The following TNFRSF1B variants were observed in gnomAD, a reference collection of about 807,000 sequenced individuals.
TNFRSF1B encodes the protein tumor necrosis factor receptor superfamily member 1B.
TNFRSF1B carries 19 observed loss-of-function variants against 44.6 expected under a neutral mutation model. The ratio of observed to expected loss-of-function variants is 0.43; its 90% CI spans 0.30 to 0.62. The LOEUF (loss-of-function observed/expected upper bound fraction) is 0.62. Among genes scored for constraint, TNFRSF1B ranks in the 20% least tolerant of loss-of-function variants. The probability of loss-of-function intolerance (pLI) is 0.16; values close to 1 mark genes in which losing one functional copy is unlikely to be tolerated. For missense variants in TNFRSF1B, 541 were observed against 619.9 expected, an observed-to-expected ratio of 0.87 and a Z score of 1.35; for synonymous variants, 252 against 261.1, an observed-to-expected ratio of 0.97 and a Z score of 0.34.
chr1:12,185,494 G>T (rs1469426055), intron 1 of TNFRSF1B, among the ~76,000 whole-genome samples: 1 of 152,116 alleles, frequency 6.6e-6, no homozygotes, highest in Non-Finnish European at 1.5e-5. Context: ...GGGTGCCTGG[G>T]AGTCTGCTCC....
At position 12,171,986 on chromosome 1, in the gene TNFRSF1B, G is replaced by T. The variant is rs1001003283; in HGVS notation, c.78+4817G>T. Among the ~76,000 whole-genome samples, 2 of 152,158 alleles carry T rather than the reference G, an allele frequency of 1.3e-5. No homozygotes were observed. The highest frequency in any genetic ancestry group is 2.9e-5 in the Non-Finnish European group (2 of 68,042). On this transcript the variant is annotated intron_variant, in intron 1 of 9. Coordinates refer to ENST00000376259, the MANE Select transcript of TNFRSF1B (RefSeq NM_001066.3). This position sits in a 1 kb window ranked among gnomAD's most constrained non-coding sequence, Gnocchi z 4.5. ...GTTCTGTTTGCCTCCATCTCTTGGG[G>T]TATTTTTCTGGGCTCCTCTTCCCAT... is the stretch of plus-strand genomic sequence containing the variant.
chr1:12,207,150 T>C lies in TNFRSF1B; in HGVS notation c.*130T>C. 1 of 1,018,310 alleles carries C rather than the reference T, an allele frequency of 9.8e-7. No individual in the cohort carries two copies. The allele number at this position is 1,018,310 out of a possible 1,614,324, so 63.1% of individuals were successfully genotyped here. On this transcript the variant is annotated 3_prime_UTR_variant, in exon 10 of 10. Coordinates refer to ENST00000376259, the MANE Select transcript of TNFRSF1B (RefSeq NM_001066.3). The stretch of plus-strand genomic sequence containing the variant: ...AGGCTCTTTCTGGGCCAAGTTCCTC[T>C]AGTGCCCTCCACAGCCGCAGCCTCC...
chr1:12,193,212 C>T (rs1639190641), intron 6 of TNFRSF1B, 114 bp downstream of exon 6: 3 of 963,086 alleles, frequency 3.1e-6, no homozygotes, highest in African/African-American at 1.6e-5. Flanking sequence ...GACCCTGTGC[C>T]CTGTCCTGGG....
rs1476242 is a variant in TNFRSF1B at position 12,170,492 on chromosome 1, C to T, written c.78+3323C>T. ...CAGAGGTGACCCTGCCATCCTGGCA[C>T]CTGGCACAGTGGCTCCCCGTAGCAC... On this transcript the variant is annotated intron_variant, in intron 1 of 9. Coordinates refer to ENST00000376259, the MANE Select transcript of TNFRSF1B (RefSeq NM_001066.3). 2.3e-3 allele frequency among the ~76,000 whole-genome samples: 348 copies of T among 152,352 alleles called. 3 individuals are homozygous for T. The highest frequency in any genetic ancestry group is 8.0e-3 in the African/African-American group (333 of 41,576).
rs1639333293 is a variant in TNFRSF1B, at chr1:12,199,056, G to A, written c.901-2911G>A. Among the ~76,000 whole-genome samples, 1 of 152,118 alleles carries A rather than the reference G, an allele frequency of 6.6e-6. No homozygotes were observed. The highest frequency in any genetic ancestry group is 6.5e-5 in the Admixed American group (1 of 15,268). On this transcript the variant is annotated intron_variant, in intron 8 of 9. Coordinates refer to ENST00000376259, the MANE Select transcript of TNFRSF1B (RefSeq NM_001066.3). This position sits in a 1 kb window ranked among gnomAD's most constrained non-coding sequence, Gnocchi z 4.0. ...GGCTCTACTGGGGTCCCAGCCCAAG[G>A]AATAGGACTCAGCCTGCTTCTGTGC...
At chr1:12,190,131 C>T (rs5746012) in intron 2 of TNFRSF1B, among the ~76,000 whole-genome samples, 2 of 152,094 alleles carry the variant, frequency 1.3e-5, no homozygotes, top group African/African-American at 2.4e-5. Flanking sequence ...TACCTGTCAC[C>T]GTCCCTAGCC....
At chr1:12,183,804 AGC>A (rs1638907822) in intron 1 of TNFRSF1B, among the ~76,000 whole-genome samples, 1 of 121,230 alleles carries the variant, frequency 8.2e-6, no homozygotes, top group Admixed American at 7.8e-5. Flanking sequence ...CTATCTATCT[AGC>A]TATCTATCTA....
intron 1 of TNFRSF1B, among the ~76,000 whole-genome samples, chr1:12,173,826 C>T (rs1407450517): frequency 6.6e-6 from 1 of 152,242 alleles, no homozygotes; most frequent in Non-Finnish European, 1.5e-5. Flanking sequence ...CAGGACCCAC[C>T]TCTCTGGGAC....
intron 1 of TNFRSF1B, among the ~76,000 whole-genome samples, chr1:12,181,067 G>A (rs1308033544): frequency 6.6e-6 from 1 of 152,182 alleles, no homozygotes; most frequent in East Asian, 1.9e-4. Flanking sequence ...GTCTCCCCAT[G>A]TAAGGCTTCC....
intron 8 of TNFRSF1B, among the ~76,000 whole-genome samples, chr1:12,196,032 G>A (rs1639258584): frequency 6.6e-6 from 1 of 152,168 alleles, no homozygotes; most frequent in Non-Finnish European, 1.5e-5. Context: ...TGGGCACGGT[G>A]GCTCACTCCT....
Position 12,202,024 on chromosome 1 carries a change from C to T in TNFRSF1B, c.958C>T (p.Leu320=). The T allele has an allele frequency of 3.1e-6, 5 of 1,612,774 alleles. No homozygotes were observed. Among genetic ancestry groups the T allele is most frequent in the Non-Finnish European group, 4.2e-6 (5 of 1,179,726 alleles). ...ACAGGGCCCCGAGCAGCAGCACCTG[C>T]TGATCACAGCGCCGAGCTCCAGCAG... ...GTQGPEQQHL[L]ITAPSSSSSS... Residue 320 remains leucine (L), a synonymous_variant, in exon 9 of 10, where the codon CTG becomes TTG. Transcript: ENST00000376259.
chr1:12,183,735 AT>A (rs1638893152), intron 1 of TNFRSF1B, among the ~76,000 whole-genome samples: 1 of 125,222 alleles, frequency 8.0e-6, no homozygotes, highest in Non-Finnish European at 1.8e-5. Context: ...CTATCTATCT[AT>A]CTATCTATCT....
At chr1:12,170,864 C>T (rs950839401) in intron 1 of TNFRSF1B, among the ~76,000 whole-genome samples, 3 of 150,488 alleles carry the variant, frequency 2.0e-5, no homozygotes, top group Non-Finnish European at 3.0e-5. Context: ...TTAGTAGAGT[C>T]GGGGTTTCAC....
chr1:12,174,065 A>C (rs540761216), intron 1 of TNFRSF1B, among the ~76,000 whole-genome samples: 1 of 151,822 alleles, frequency 6.6e-6, no homozygotes, highest in Non-Finnish European at 1.5e-5. Context: ...CTGCCCTTGC[A>C]TCTAGCCTGT....
chr1:12,205,342 G>T (rs1277328863), intron 9 of TNFRSF1B, among the ~76,000 whole-genome samples: 1 of 152,092 alleles, frequency 6.6e-6, no homozygotes, highest in Non-Finnish European at 1.5e-5. Context: ...CCCCATCAAG[G>T]TCTTGGAGCG....
rs143074721 is a variant in TNFRSF1B at position 12,194,283 on chromosome 1, T to C, written c.865+251T>C. On this transcript the variant is annotated intron_variant, in intron 7 of 9. Coordinates refer to ENST00000376259, the MANE Select transcript of TNFRSF1B (RefSeq NM_001066.3). ...TTCCTATCCAGGAAGCCTGGGGGAT[T>C]CGGGCTTCCTGCAGCAGGTGGTCTC... Among the ~76,000 whole-genome samples the C allele has an allele frequency of 1.2e-4, 18 of 152,208 alleles. No homozygotes were observed. In the East Asian group the frequency reaches 3.3e-3, roughly 28 times the overall value.
At chr1:12,194,931 G>A (rs1021088574) in intron 8 of TNFRSF1B, among the ~76,000 whole-genome samples, 1 of 152,244 alleles carries the variant, frequency 6.6e-6, no homozygotes, top group African/African-American at 2.4e-5. Flanking sequence ...CCATGAGATG[G>A]GGGTTGTGTC....
chr1:12,204,825 A>C (rs1570178565), intron 9 of TNFRSF1B, among the ~76,000 whole-genome samples: 1 of 151,984 alleles, frequency 6.6e-6, no homozygotes, highest in Non-Finnish European at 1.5e-5. Context: ...CAACAAAAAA[A>C]CCCGTAGACT....
At position 12,177,742 on chromosome 1, in the gene TNFRSF1B, C is replaced by T. The variant is rs974861619; in HGVS notation, c.78+10573C>T. On this transcript the variant is annotated intron_variant, in intron 1 of 9. Transcript: ENST00000376259. This position sits in a 1 kb window ranked among gnomAD's most constrained non-coding sequence, Gnocchi z 4.3. ...CTGGGAGGCGGAGTTTGCAGTGAAC[C>T]GAGATCGCGCCATTGCACTCCAGCC... 2.0e-5 allele frequency among the ~76,000 whole-genome samples: 3 copies of T among 150,572 alleles called. No individual in the cohort carries two copies. Among genetic ancestry groups the T allele is most frequent in the African/African-American group, 7.3e-5 (3 of 40,836 alleles).
Sources: gnomAD v4.1 joint callset for allele counts (sites outside exome capture counted in the v4.1 genomes callset) on GRCh38, gnomAD v4.1.1 for gene constraint, Gnocchi (gnomAD v3.1) non-coding constraint, MANE v1.5 for transcripts, NCBI Gene and HGNC (gene_info 2026-07-23, HGNC 2026-07-21) for gene names.